The following NRXN1 variants were observed in gnomAD, a reference collection of about 807,000 sequenced individuals.
NRXN1 encodes neurexin-1.
In NRXN1, 39 loss-of-function variants were observed where a neutral mutation model predicts 150.9. The observed-to-expected ratio is 0.26, with a 90% CI of 0.20 to 0.34. The LOEUF is 0.34. Ranked by LOEUF, NRXN1 falls within the 10% of genes least tolerant of loss-of-function variation. NRXN1 has a pLI of 1.00. For missense variants in NRXN1, 1,815 were observed against 1,949.9 expected, an observed-to-expected ratio of 0.93 and a Z score of 1.30; for synonymous variants, 924 against 757.0, an observed-to-expected ratio of 1.22 and a Z score of -3.62.
At chr2:50,908,876 C>G (rs1006284302) in intron 5 of NRXN1, among the ~76,000 whole-genome samples, 1 of 152,008 alleles carries the variant, frequency 6.6e-6, no homozygotes, top group Non-Finnish European at 1.5e-5. Flanking sequence ...CCATGTGATG[C>G]CCTCCACATG....
At chr2:50,552,330 C>T (rs1667656125) in intron 9 of NRXN1, among the ~76,000 whole-genome samples, 1 of 152,058 alleles carries the variant, frequency 6.6e-6, no homozygotes, top group Non-Finnish European at 1.5e-5. Flanking sequence ...AGATTTGGCA[C>T]TTGATTACCC....
intron 5 of NRXN1, among the ~76,000 whole-genome samples, chr2:50,829,999 G>GAAAGAAAAAAAAAAA (rs1671171032): frequency 1.7e-5 from 1 of 58,206 alleles, no homozygotes; most frequent in Non-Finnish European, 2.6e-5. Context: ...CTGCCTGCTG[G>GAAAGAAAAAAAAAAA]AAAAAAAAAA....
chr2:50,311,197 T>C (rs1000398080), intron 17 of NRXN1, among the ~76,000 whole-genome samples: 1 of 152,124 alleles, frequency 6.6e-6, no homozygotes, highest in Non-Finnish European at 1.5e-5. Context: ...TCGTCTTCTC[T>C]TTAAAACAAA....
rs201180079 is a variant in NRXN1 at position 49,920,848 on chromosome 2, C to T, written c.*1096G>A. ...CTAATTCACACCTTTCATACAAGTACTAAAACTTAATTGCAACAGAATGAA... is the reference window on the plus strand; with the variant it reads ...CTAATTCACACCTTTCATACAAGTATTAAAACTTAATTGCAACAGAATGAA... On this transcript the variant is annotated 3_prime_UTR_variant, in exon 23 of 23. Coordinates refer to ENST00000401669, the MANE Select transcript of NRXN1 (RefSeq NM_001330078.2). The T allele has an allele frequency of 1.8e-4, 28 of 152,174 alleles. No homozygotes were observed. The highest frequency in any genetic ancestry group is 6.1e-4 in the African/African-American group (25 of 41,270). The allele number at this position is 152,174 out of a possible 1,614,324, so 9.4% of individuals were successfully genotyped here.
intron 17 of NRXN1, among the ~76,000 whole-genome samples, chr2:50,309,318 C>T (rs929488893): frequency 5.3e-5 from 8 of 152,126 alleles, no homozygotes; most frequent in African/African-American, 1.9e-4. Context: ...CACAGTTTTT[C>T]CTCTAACTTG....
chr2:50,230,159 T>C (rs777673044), intron 18 of NRXN1, among the ~76,000 whole-genome samples: 7 of 152,028 alleles, frequency 4.6e-5, no homozygotes, highest in African/African-American at 9.7e-5. Context: ...GGTGAAAAGA[T>C]CCAGGACCAA....
chr2:50,598,562 A>ATG (rs138387519), intron 8 of NRXN1, among the ~76,000 whole-genome samples: 5,087 of 147,386 alleles, frequency 0.035, 298 homozygotes, highest in African/African-American at 0.12. Context: ...GTATATATAT[A>ATG]TGTGTGTGTG....
chr2:50,662,024 A>T (rs1687376414), intron 5 of NRXN1, among the ~76,000 whole-genome samples: 1 of 152,054 alleles, frequency 6.6e-6, no homozygotes, highest in Admixed American at 6.6e-5. Flanking sequence ...CAGTATTGAT[A>T]TTACAATGTA....
At chr2:50,439,310 C>A (rs947855890) in intron 17 of NRXN1, among the ~76,000 whole-genome samples, 2 of 152,110 alleles carry the variant, frequency 1.3e-5, no homozygotes, top group African/African-American at 4.8e-5. Context: ...CAACAGTGCA[C>A]TAAGTTTTAG....
Position 51,028,642 on chromosome 2 carries a change from T to G in NRXN1, c.-369A>C. 5.1e-6 allele frequency: 1 copy of G among 197,944 alleles called. No homozygotes were observed. The highest frequency in any genetic ancestry group is 1.0e-5 in the Non-Finnish European group (1 of 98,990). 12.3% of individuals were successfully genotyped at this position (197,944 alleles called of 1,614,324 possible). A position where few individuals can be genotyped will look rare whatever the true frequency, so the allele number is the denominator to read the frequency against. On this transcript the variant is annotated 5_prime_UTR_variant, in exon 2 of 23. Transcript: ENST00000401669. ...TTAACTAATTTAAGAGTATCTGCAG[T>G]GTCAACAGATACTTAACTCCTCAAA...
chr2:50,839,854 C>G (rs1485706697), intron 5 of NRXN1, among the ~76,000 whole-genome samples: 1 of 151,954 alleles, frequency 6.6e-6, no homozygotes, highest in Non-Finnish European at 1.5e-5. Flanking sequence ...AGGCGGGGAG[C>G]AAAATTTAGG....
intron 2 of NRXN1, among the ~76,000 whole-genome samples, chr2:50,980,567 C>T (rs1442689190): frequency 6.6e-6 from 1 of 151,948 alleles, no homozygotes; most frequent in Admixed American, 6.6e-5. Flanking sequence ...AAGGTAATAA[C>T]CACTACTGTA....
chr2:50,866,267 T>A (rs1238048270), intron 5 of NRXN1, among the ~76,000 whole-genome samples: 1 of 151,866 alleles, frequency 6.6e-6, no homozygotes, highest in African/African-American at 2.4e-5. Context: ...TATATTAGAG[T>A]TTCAGTTAAT....
intron 12 of NRXN1, among the ~76,000 whole-genome samples, chr2:50,507,688 A>C (rs2092297442): frequency 6.6e-6 from 1 of 150,716 alleles, no homozygotes; most frequent in Admixed American, 6.6e-5. Context: ...ATAACCAGAT[A>C]TTTTTATTTA....
intron 5 of NRXN1, among the ~76,000 whole-genome samples, chr2:50,628,578 A>G (rs543199204): frequency 2.1e-4 from 32 of 151,734 alleles, no homozygotes; most frequent in Non-Finnish European, 3.7e-4. Context: ...CAATCTTTGT[A>G]AGTAAGCTTT....
chr2:50,499,107 A>G (rs2091806534), intron 13 of NRXN1, among the ~76,000 whole-genome samples: 1 of 152,312 alleles, frequency 6.6e-6, no homozygotes, highest in Admixed American at 6.5e-5. Flanking sequence ...TGTTTAAGGA[A>G]ATATCTGTAA....
At chr2:50,524,478 C>CATAAATAAATAA (rs201231040) in intron 12 of NRXN1, among the ~76,000 whole-genome samples, 3 of 141,052 alleles carry the variant, frequency 2.1e-5, no homozygotes, top group South Asian at 2.3e-4. Flanking sequence ...GAGTCCATCT[C>CATAAATAAATAA]ATAAATAAAT....
intron 21 of NRXN1, among the ~76,000 whole-genome samples, chr2:49,991,455 TA>T (rs918463803): frequency 5.9e-5 from 9 of 151,668 alleles, no homozygotes; most frequent in South Asian, 2.1e-4. Flanking sequence ...ATATTCAAAA[TA>T]AAAAAAACAT....
intron 2 of NRXN1, among the ~76,000 whole-genome samples, chr2:50,932,237 A>C (rs1461598129): frequency 6.6e-6 from 1 of 151,920 alleles, no homozygotes; most frequent in African/African-American, 2.4e-5. Flanking sequence ...CAAAGACAAA[A>C]ATTGGCTGGG....
Sources: gnomAD v4.1 joint callset for allele counts (sites outside exome capture counted in the v4.1 genomes callset) on GRCh38, gnomAD v4.1.1 for gene constraint, MANE v1.5 for transcripts, NCBI Gene and HGNC (gene_info 2026-07-23, HGNC 2026-07-21) for gene names.